Variants in PCDH9 observed in about 807,000 individuals in gnomAD.
The protein encoded by PCDH9 is protocadherin-9.
Under a neutral mutation model 70.6 loss-of-function variants are expected in PCDH9, and 24 were observed. The ratio of observed to expected loss-of-function variants is 0.34; its 90% CI spans 0.25 to 0.48. The LOEUF (loss-of-function observed/expected upper bound fraction) is 0.48. Ranked by LOEUF, PCDH9 falls within the 20% of genes least tolerant of loss-of-function variation. PCDH9 has a pLI of 0.99. For synonymous variants in PCDH9, 562 were observed against 558.5 expected (o/e 1.01, Z -0.09); for missense variants, 1,281 against 1,503.6 (o/e 0.85, Z 2.45).
Position 66,984,712 on chromosome 13 carries a change from T to C in PCDH9, c.3037-81107A>G, listed in dbSNP as rs2083853246. Among the ~76,000 whole-genome samples the C allele has an allele frequency of 3.3e-5, 5 of 152,164 alleles. No homozygotes were observed. The South Asian group carries it at 1.0e-3, about 31-fold the overall frequency. The stretch of plus-strand genomic sequence containing the variant: ...AATTGCAAAGGGAATAATTTAACTA[T>C]AATTTCAATTTACTATCAACATGAT... On this transcript the variant is annotated intron_variant, in intron 2 of 4. Transcript: ENST00000377865.
chr13:66,767,512 C>T (rs368258856), intron 3 of PCDH9, among the ~76,000 whole-genome samples: 12 of 152,062 alleles, frequency 7.9e-5, no homozygotes, highest in African/African-American at 2.4e-4. Flanking sequence ...TAGTTTATGC[C>T]AGCTGGAGAC....
At chr13:66,832,485 T>C (rs2080945149) in intron 3 of PCDH9, among the ~76,000 whole-genome samples, 1 of 152,082 alleles carries the variant, frequency 6.6e-6, no homozygotes, top group Non-Finnish European at 1.5e-5. Context: ...AAAATATGAA[T>C]ATTTTATAGA....
chr13:66,687,888 T>C (rs1222334765), intron 3 of PCDH9, among the ~76,000 whole-genome samples: 3 of 152,158 alleles, frequency 2.0e-5, no homozygotes, highest in Admixed American at 6.5e-5. Flanking sequence ...ACTTCTATGA[T>C]AGTTCTTAGA....
intron 2 of PCDH9, among the ~76,000 whole-genome samples, chr13:67,112,607 A>G (rs900146799): frequency 2.6e-5 from 4 of 151,988 alleles, no homozygotes; most frequent in Non-Finnish European, 5.9e-5. Flanking sequence ...AAAAATGGAT[A>G]TCATTTTCTT....
Position 66,444,202 on chromosome 13 carries a change from A to G in PCDH9, c.3341-139174T>C, listed in dbSNP as rs1340210356. 2.6e-5 allele frequency among the ~76,000 whole-genome samples: 4 copies of G among 152,298 alleles called. No individual in the cohort carries two copies. In the East Asian group the frequency reaches 7.7e-4, roughly 29 times the overall value. On this transcript the variant is annotated intron_variant, in intron 4 of 4. Transcript: ENST00000377865. ...TAAGCTTCCACAAGAAACTTTAACA[A>G]AAGCTGTGCAAATCCCTACCCAACA...
chr13:66,924,120 A>C (rs931058231), intron 2 of PCDH9, among the ~76,000 whole-genome samples: 6 of 151,740 alleles, frequency 4.0e-5, no homozygotes, highest in Non-Finnish European at 8.8e-5. Flanking sequence ...CCTTTTCTCA[A>C]ATCCTGTAAC....
intron 4 of PCDH9, among the ~76,000 whole-genome samples, chr13:66,373,159 C>G (rs758735431): frequency 3.3e-5 from 5 of 151,810 alleles, no homozygotes; most frequent in Non-Finnish European, 7.4e-5. Flanking sequence ...TTAGCCACAA[C>G]AGGGAAGGAA....
chr13:66,425,559 GA>G (rs543657712), intron 4 of PCDH9, among the ~76,000 whole-genome samples: 6,366 of 137,134 alleles, frequency 0.046, 297 homozygotes, highest in African/African-American at 0.12. Context: ...TTCAGAAAAC[GA>G]AAAAAAAAAA....
At chr13:66,805,030 G>A (rs965637609) in intron 3 of PCDH9, among the ~76,000 whole-genome samples, 1 of 152,074 alleles carries the variant, frequency 6.6e-6, no homozygotes, top group Non-Finnish European at 1.5e-5. Context: ...TTGGTAGGAA[G>A]ATAAGAATGT....
intron 3 of PCDH9, among the ~76,000 whole-genome samples, chr13:66,745,724 C>A (rs187958388): frequency 6.6e-6 from 1 of 151,896 alleles, no homozygotes; most frequent in East Asian, 1.9e-4. Flanking sequence ...GAATATCTCC[C>A]CCATTCCATG....
intron 2 of PCDH9, among the ~76,000 whole-genome samples, chr13:67,087,019 G>T (rs1006672946): frequency 7.2e-6 from 1 of 138,694 alleles, no homozygotes; most frequent in Non-Finnish European, 1.5e-5. Context: ...CACTAAAAAA[G>T]TTAGTTTTAC....
At chr13:66,322,747 T>C (rs528715481) in intron 4 of PCDH9, among the ~76,000 whole-genome samples, 61 of 152,162 alleles carry the variant, frequency 4.0e-4, no homozygotes, top group African/African-American at 1.5e-3. Flanking sequence ...GTAGATCCAG[T>C]GATTTTATAA....
chr13:66,871,538 C>T (rs1046122670), intron 3 of PCDH9, among the ~76,000 whole-genome samples: 1 of 152,076 alleles, frequency 6.6e-6, no homozygotes, highest in East Asian at 1.9e-4. Flanking sequence ...TGATGGTCTA[C>T]CGTAGTTAGT....
intron 4 of PCDH9, among the ~76,000 whole-genome samples, chr13:66,398,801 A>C (rs983779843): frequency 1.3e-5 from 2 of 152,210 alleles, no homozygotes; most frequent in Non-Finnish European, 2.9e-5. Context: ...ATTTATAAGA[A>C]AACAAAACAA....
chr13:66,744,419 A>T (rs1356767367), intron 3 of PCDH9, among the ~76,000 whole-genome samples: 7 of 152,190 alleles, frequency 4.6e-5, no homozygotes, highest in Non-Finnish European at 1.0e-4. Context: ...TGAATTTTTT[A>T]AAAATTTATT....
intron 3 of PCDH9, among the ~76,000 whole-genome samples, chr13:66,899,270 C>A (rs2082237404): frequency 6.6e-6 from 1 of 151,912 alleles, no homozygotes. Flanking sequence ...AGTGGCCCAT[C>A]CTGGGATATC....
intron 2 of PCDH9, among the ~76,000 whole-genome samples, chr13:66,916,738 C>T (rs908339384): frequency 6.6e-6 from 1 of 151,462 alleles, no homozygotes; most frequent in Admixed American, 6.6e-5. Flanking sequence ...TGCCATTGTA[C>T]ATATCTTTTC....
intron 4 of PCDH9, among the ~76,000 whole-genome samples, chr13:66,594,910 T>C (rs1259845383): frequency 2.0e-5 from 3 of 151,324 alleles, no homozygotes; most frequent in Non-Finnish European, 4.4e-5. Flanking sequence ...TAAGGACAAA[T>C]TAAAATGACA....
intron 2 of PCDH9, among the ~76,000 whole-genome samples, chr13:66,970,375 T>C (rs950397493): frequency 6.6e-6 from 1 of 151,800 alleles, no homozygotes; most frequent in African/African-American, 2.4e-5. Flanking sequence ...AGGCTGGTAA[T>C]CTCAGAACTC....
Sources: gnomAD v4.1 joint callset for allele counts (sites outside exome capture counted in the v4.1 genomes callset) on GRCh38, gnomAD v4.1.1 for gene constraint, MANE v1.5 for transcripts, NCBI Gene and HGNC (gene_info 2026-07-23, HGNC 2026-07-21) for gene names.